Variants in ELOVL6 observed in about 807,000 individuals in gnomAD.
The protein encoded by ELOVL6 is very long chain fatty acid elongase 6.
A neutral mutation model predicts 31.7 loss-of-function variants in ELOVL6; 8 were observed. The observed-to-expected ratio is 0.25, with a 90% CI of 0.15 to 0.45. ELOVL6 has a LOEUF of 0.45. Among genes scored for constraint, ELOVL6 ranks in the 20% least tolerant of loss-of-function variants. The pLI is 1.00. For missense variants in ELOVL6, 126 were observed against 326.4 expected (o/e 0.39, Z 4.73); for synonymous variants, 101 against 117.7 (o/e 0.86, Z 0.92).
chr4:110,159,128 A>G (rs760556778), intron 1 of ELOVL6, among the ~76,000 whole-genome samples: 4 of 152,196 alleles, frequency 2.6e-5, no homozygotes, highest in Non-Finnish European at 5.9e-5. Flanking sequence ...TGAGACAATA[A>G]TTATATACCT....
At chr4:110,139,315 TC>T (rs987425181) in intron 1 of ELOVL6, among the ~76,000 whole-genome samples, 5 of 152,180 alleles carry the variant, frequency 3.3e-5, no homozygotes, top group Non-Finnish European at 7.3e-5. Flanking sequence ...TACATTTCCA[TC>T]CCCTTGGGGC....
intron 1 of ELOVL6, among the ~76,000 whole-genome samples, chr4:110,129,290 C>A (rs975528315): frequency 2.6e-5 from 4 of 152,162 alleles, no homozygotes; most frequent in African/African-American, 7.2e-5. Flanking sequence ...TTCTTACCAG[C>A]TGAGAAACAG....
intron 1 of ELOVL6, among the ~76,000 whole-genome samples, chr4:110,167,271 A>G (rs980246262): frequency 2.0e-5 from 3 of 152,236 alleles, no homozygotes; most frequent in African/African-American, 7.2e-5. Context: ...TTACATGCAC[A>G]GTAAAAGGAC....
intron 1 of ELOVL6, among the ~76,000 whole-genome samples, chr4:110,165,843 T>G (rs548582383): frequency 5.9e-5 from 9 of 152,190 alleles, no homozygotes; most frequent in Non-Finnish European, 1.2e-4. Context: ...AACCCAAGGC[T>G]AATTCCCCAA....
At chr4:110,158,181 A>G (rs2200106) in intron 1 of ELOVL6, among the ~76,000 whole-genome samples, 114,668 of 152,028 alleles carry the variant, frequency 0.75, 43,403 homozygotes, top group East Asian at 0.83. Flanking sequence ...ATACTATACA[A>G]CCCTATTCTG....
intron 1 of ELOVL6, among the ~76,000 whole-genome samples, chr4:110,112,195 T>C (rs932432959): frequency 6.6e-6 from 1 of 152,202 alleles, no homozygotes; most frequent in African/African-American, 2.4e-5. Flanking sequence ...AAACTTGGTA[T>C]GCATTATTTC....
At chr4:110,124,842 A>G (rs1187636511) in intron 1 of ELOVL6, among the ~76,000 whole-genome samples, 1 of 152,220 alleles carries the variant, frequency 6.6e-6, no homozygotes, top group African/African-American at 2.4e-5. Flanking sequence ...AGATTTTTCT[A>G]CAAGCACATT....
chr4:110,158,655 A>ATTTTT (rs1365076499), intron 1 of ELOVL6, among the ~76,000 whole-genome samples: 23 of 76,176 alleles, frequency 3.0e-4, no homozygotes, highest in African/African-American at 1.9e-3. Flanking sequence ...ATATATATAT[A>ATTTTT]TATTTTTTTT....
In ELOVL6 at chr4:110,132,059, A is replaced by G. The variant is rs555401050; in HGVS notation, c.90-26431T>C. ...GTTGAAGGACCTGGACTCCTGGGCT[A>G]CAGGAGTCAGAAATGAGGGTGGAGA... On this transcript the variant is annotated intron_variant, in intron 1 of 3. Coordinates refer to ENST00000302274, the MANE Select transcript of ELOVL6 (RefSeq NM_024090.3). Among the ~76,000 whole-genome samples, 5 of 152,272 alleles carry G rather than the reference A, an allele frequency of 3.3e-5. No individual in the cohort carries two copies. The South Asian group carries it at 8.3e-4, about 25-fold the overall frequency.
chr4:110,191,143 C>A (rs1759606914), intron 1 of ELOVL6, among the ~76,000 whole-genome samples: 1 of 152,040 alleles, frequency 6.6e-6, no homozygotes, highest in Admixed American at 6.6e-5. Flanking sequence ...TAAAAAAGGA[C>A]CCATGTATCT....
In ELOVL6 at chr4:110,058,655, G is replaced by C. The variant is rs530885007; in HGVS notation, c.373+948C>G. On this transcript the variant is annotated intron_variant, in intron 3 of 3. Coordinates refer to ENST00000302274, the MANE Select transcript of ELOVL6 (RefSeq NM_024090.3). ...CAAACTCCCTTTTTAGGAGAAACAGGAGAGGGGACAATACATATTAGGTTG... is the reference window on the plus strand; with the variant it reads ...CAAACTCCCTTTTTAGGAGAAACAGCAGAGGGGACAATACATATTAGGTTG... Among the ~76,000 whole-genome samples the C allele has an allele frequency of 4.6e-5, 7 of 152,318 alleles. No individual in the cohort carries two copies. The South Asian group carries it at 1.2e-3, about 27-fold the overall frequency.
intron 2 of ELOVL6, among the ~76,000 whole-genome samples, chr4:110,073,999 C>A (rs1755561475): frequency 6.6e-6 from 1 of 152,176 alleles, no homozygotes; most frequent in Non-Finnish European, 1.5e-5. Context: ...TAGGAGAAGA[C>A]AAATGCAATG....
chr4:110,121,437 A>T (rs138147117), intron 1 of ELOVL6, among the ~76,000 whole-genome samples: 256 of 152,342 alleles, frequency 1.7e-3, no homozygotes, highest in African/African-American at 5.8e-3. Flanking sequence ...CTTCTTTAAA[A>T]GGTAACTATA....
chr4:110,082,687 A>G (rs548762812), intron 2 of ELOVL6, among the ~76,000 whole-genome samples: 5 of 152,282 alleles, frequency 3.3e-5, no homozygotes, highest in Admixed American at 2.0e-4. Context: ...TGGCACATGT[A>G]TACATATGTA....
intron 1 of ELOVL6, among the ~76,000 whole-genome samples, chr4:110,181,131 C>A (rs910145593): frequency 1.3e-5 from 2 of 150,382 alleles, no homozygotes; most frequent in Non-Finnish European, 3.0e-5. Context: ...GAGTAAGACC[C>A]AGTCTCAAAA....
rs990291980 is a variant in ELOVL6 at position 110,048,005 on chromosome 4, C to T, written c.*3333G>A. On this transcript the variant is annotated 3_prime_UTR_variant, in exon 4 of 4. Transcript: ENST00000302274. ...AAACCCACTCATATGAAGTTTCTAACTCAGTCTAGACATATTAGTCTCTTT... is the reference window on the plus strand; with the variant it reads ...AAACCCACTCATATGAAGTTTCTAATTCAGTCTAGACATATTAGTCTCTTT... 5 of 151,442 alleles carry T rather than the reference C, an allele frequency of 3.3e-5. No homozygotes were observed. Among genetic ancestry groups the T allele is most frequent in the East Asian group, 2.0e-4 (1 of 5,108 alleles). The allele number at this position is 151,442 out of a possible 1,614,324, so 9.4% of individuals were successfully genotyped here.
Position 110,050,165 on chromosome 4 carries a change from G to A in ELOVL6, c.*1173C>T, listed in dbSNP as rs1189036210. ...TTTAAACACCTCTACATTGCTTGGGGAGCAAATGCAGATGATGCAGAAACA... is the reference window on the plus strand; with the variant it reads ...TTTAAACACCTCTACATTGCTTGGGAAGCAAATGCAGATGATGCAGAAACA... On this transcript the variant is annotated 3_prime_UTR_variant, in exon 4 of 4. Coordinates refer to ENST00000302274, the MANE Select transcript of ELOVL6 (RefSeq NM_024090.3). 6.6e-6 allele frequency: 1 copy of A among 152,566 alleles called. No individual in the cohort carries two copies. Among genetic ancestry groups the A allele is most frequent in the Non-Finnish European group, 1.5e-5 (1 of 68,040 alleles). 9.5% of individuals were successfully genotyped at this position (152,566 alleles called of 1,614,324 possible). A position where few individuals can be genotyped will look rare whatever the true frequency, so the allele number is the denominator to read the frequency against.
intron 1 of ELOVL6, among the ~76,000 whole-genome samples, chr4:110,151,968 TA>T (rs1449643197): frequency 1.3e-5 from 2 of 152,172 alleles, no homozygotes; most frequent in East Asian, 1.9e-4. Flanking sequence ...ATTCAACAAC[TA>T]AAAAGTCCTT....
intron 1 of ELOVL6, among the ~76,000 whole-genome samples, chr4:110,144,143 A>G (rs910010808): frequency 6.6e-6 from 1 of 152,006 alleles, no homozygotes; most frequent in African/African-American, 2.4e-5. Context: ...AAAATACCAA[A>G]TCTGTCATAC....
Sources: gnomAD v4.1 joint callset for allele counts (sites outside exome capture counted in the v4.1 genomes callset) on GRCh38, gnomAD v4.1.1 for gene constraint, MANE v1.5 for transcripts, NCBI Gene and HGNC (gene_info 2026-07-23, HGNC 2026-07-21) for gene names.